MEGF6: variants seen among roughly 807,000 people sequenced by gnomAD.
MEGF6 encodes multiple EGF like domains 6, also known as multiple epidermal growth factor-like domains protein 6.
MEGF6 carries 184 observed loss-of-function variants against 207.1 expected under a neutral mutation model. The observed-to-expected ratio is 0.89, with a 90% CI of 0.79 to 1.00. MEGF6 has a LOEUF of 1.00. Among genes scored for constraint, MEGF6 ranks in the 50% least tolerant of loss-of-function variants. The probability of loss-of-function intolerance (pLI) is 0.00; values close to 1 mark genes in which losing one functional copy is unlikely to be tolerated. For synonymous variants in MEGF6, 1,038 were observed against 910.0 expected (o/e 1.14, Z -2.53); for missense variants, 2,282 against 2,202.9 (o/e 1.04, Z -0.72).
intron 35 of MEGF6, among the ~76,000 whole-genome samples, 173 bp from the exon 36 acceptor site, chr1:3,491,132 G>GA (rs967183243): frequency 5.3e-5 from 8 of 151,832 alleles, no homozygotes; most frequent in Admixed American, 1.3e-4. Flanking sequence ...GGGAGCTGGG[G>GA]GGGGGGGCTC....
chr1:3,567,613 G>C (rs544698608), intron 4 of MEGF6, among the ~76,000 whole-genome samples: 1 of 152,154 alleles, frequency 6.6e-6, no homozygotes, highest in African/African-American at 2.4e-5. Context: ...CCCGTTTGCC[G>C]GGGACACGGC....
At chr1:3,619,076 C>T in the MEGF6 span, among the ~76,000 whole-genome samples, 1 of 152,228 alleles carries the variant, frequency 6.6e-6, no homozygotes, top group Non-Finnish European at 1.5e-5. Context: ...CACTTCCCAG[C>T]GGAGATTTCC....
intron 2 of MEGF6, among the ~76,000 whole-genome samples, chr1:3,601,737 C>T (rs1039922775): frequency 6.6e-6 from 1 of 152,222 alleles, no homozygotes; most frequent in African/African-American, 2.4e-5. Flanking sequence ...ATCTGAATTG[C>T]GCAGCAAACA....
intron 11 of MEGF6, among the ~76,000 whole-genome samples, chr1:3,509,614 C>G (rs1296458210): frequency 3.3e-5 from 5 of 152,178 alleles, no homozygotes; most frequent in African/African-American, 1.2e-4. Context: ...AGGTGCTGGG[C>G]TCCGGGAGGA....
At chr1:3,501,751 C>G (rs553710466) in intron 18 of MEGF6, 45 bp downstream of exon 18, 2 of 1,596,846 alleles carry the variant, frequency 1.3e-6, no homozygotes, top group Non-Finnish European at 8.5e-7. Context: ...AGCTTGGAGC[C>G]GTGCAGCCTG....
At chr1:3,601,855 C>T (rs12401505) in intron 2 of MEGF6, among the ~76,000 whole-genome samples, 81,112 of 152,094 alleles carry the variant, frequency 0.53, 22,000 homozygotes, top group Non-Finnish European at 0.6. Context: ...GGCCTCGGCT[C>T]CTCCGCAGAT....
chr1:3,490,657 G>A (rs983082801), intron 36 of MEGF6, 68 bp from the exon 37 acceptor site: 26 of 1,546,654 alleles, frequency 1.7e-5, no homozygotes, highest in Non-Finnish European at 2.3e-5. Flanking sequence ...ACTGGGTTCT[G>A]GGTTGGCACC....
At chr1:3,497,853 TG>T (rs1557717198) in intron 26 of MEGF6, among the ~76,000 whole-genome samples, 1 of 152,166 alleles carries the variant, frequency 6.6e-6, no homozygotes, top group Non-Finnish European at 1.5e-5. Flanking sequence ...ACGGCGCCTC[TG>T]CTGGAAGGGG....
intron 1 of MEGF6, among the ~76,000 whole-genome samples, chr1:3,608,531 C>A (rs1216597225): frequency 1.3e-5 from 2 of 152,198 alleles, no homozygotes; most frequent in African/African-American, 4.8e-5. Flanking sequence ...CCCGACCCGC[C>A]CTGGAGGGAA....
At chr1:3,569,620 G>T (rs1196529605) in intron 4 of MEGF6, among the ~76,000 whole-genome samples, 2 of 152,246 alleles carry the variant, frequency 1.3e-5, no homozygotes. Context: ...GGGCCACGGG[G>T]TCTCCGGCCT....
In MEGF6 at chr1:3,501,894, T is replaced by C. The variant is rs772232216; in HGVS notation, c.2216A>G (p.Asn739Ser). 14 of 1,602,856 alleles carry C rather than the reference T, an allele frequency of 8.7e-6. No homozygotes were observed. In the East Asian group the frequency reaches 2.1e-4, roughly 24 times the overall value. The change falls in exon 18 of 37, where the codon AAC becomes AGC. Residue 739 changes from asparagine to serine, a missense_variant. Asn to Ser is a conservative substitution (Grantham distance 46). Transcript: ENST00000356575. ...CCCACAGGAGCAGGAGCTCGAGCAG[T>C]TCACGCCAAACGTCCCCACCGGGCA... ...QECPVGTFGVNCSSSCSCGGA... is the reference protein window; with the variant it reads ...QECPVGTFGVSCSSSCSCGGA...
chr1:3,498,317 G>T lies in MEGF6; in HGVS notation c.3352+54C>A, dbSNP rs920247526. 5.1e-6 allele frequency: 8 copies of T among 1,561,226 alleles called. No homozygotes were observed. In the Admixed American group the frequency reaches 1.5e-4, roughly 28 times the overall value. Reference sequence around the variant, plus strand: ...TCCTCAGCCCTGCAGTAAGGCTGATGCCACCCCTTCCCAGCAGGGCCTGCA... The same window carrying T: ...TCCTCAGCCCTGCAGTAAGGCTGATTCCACCCCTTCCCAGCAGGGCCTGCA... On this transcript the variant is annotated intron_variant, in intron 26 of 36. Transcript: ENST00000356575.
chr1:3,553,405 C>A (rs1642943113), intron 4 of MEGF6, among the ~76,000 whole-genome samples: 1 of 151,526 alleles, frequency 6.6e-6, no homozygotes, highest in Non-Finnish European at 1.5e-5. Flanking sequence ...AGGCAAGAGA[C>A]CCTCCCGCCC....
intron 3 of MEGF6, among the ~76,000 whole-genome samples, chr1:3,590,497 G>A (rs1411285833): frequency 2.0e-5 from 3 of 152,222 alleles, no homozygotes; most frequent in Non-Finnish European, 2.9e-5. Flanking sequence ...AGGCCCCACC[G>A]CCCCGCCCGG....
chr1:3,510,029 C>A (rs774130724), intron 10 of MEGF6, 37 bp from the exon 11 acceptor site: 1 of 1,566,898 alleles, frequency 6.4e-7, no homozygotes, highest in South Asian at 1.2e-5. Flanking sequence ...CCTGTGCTCC[C>A]AGGTGGGGAA....
chr1:3,593,225 G>A (rs1045944551), intron 3 of MEGF6, among the ~76,000 whole-genome samples: 2 of 152,106 alleles, frequency 1.3e-5, no homozygotes, highest in African/African-American at 2.4e-5. Context: ...TCCCCACAGC[G>A]GGGAGCGGCT....
intron 5 of MEGF6, 109 bp from the exon 6 acceptor site, chr1:3,515,636 G>A: frequency 7.4e-7 from 1 of 1,354,354 alleles, no homozygotes; most frequent in Non-Finnish European, 1.0e-6. Context: ...TCCTGCTGTA[G>A]GACCCCTCCC....
At chr1:3,605,514 A>G (rs1644233252) in intron 1 of MEGF6, among the ~76,000 whole-genome samples, 1 of 150,508 alleles carries the variant, frequency 6.6e-6, no homozygotes, top group South Asian at 2.1e-4. Flanking sequence ...AATCACACAC[A>G]TACACATTCA....
intron 4 of MEGF6, among the ~76,000 whole-genome samples, chr1:3,570,956 G>GAC (rs1332360227): frequency 6.6e-6 from 1 of 152,100 alleles, no homozygotes; most frequent in Non-Finnish European, 1.5e-5. Flanking sequence ...GGCACACGGG[G>GAC]ACACACACAC....
Sources: allele counts gnomAD v4.1 joint callset (sites outside exome capture counted in the v4.1 genomes callset), GRCh38; gene constraint gnomAD v4.1.1; transcripts MANE v1.5; gene names NCBI Gene and HGNC (gene_info 2026-07-23, HGNC 2026-07-21).